HSDL2: variants seen among roughly 807,000 people sequenced by gnomAD.
HSDL2 encodes the protein hydroxysteroid dehydrogenase-like protein 2.
A neutral mutation model predicts 46.3 loss-of-function variants in HSDL2; 27 were observed. The ratio of observed to expected loss-of-function variants is 0.58; its 90% CI spans 0.43 to 0.80. The LOEUF is 0.80. Among genes scored for constraint, HSDL2 ranks in the 30% least tolerant of loss-of-function variants. The probability of loss-of-function intolerance (pLI) is 0.00; values close to 1 mark genes in which losing one functional copy is unlikely to be tolerated. For synonymous variants in HSDL2, 153 were observed against 163.6 expected (o/e 0.94, Z 0.50); for missense variants, 451 against 502.7 (o/e 0.90, Z 0.98).
At position 112,405,668 on chromosome 9, in the gene HSDL2, A is replaced by G. The variant is rs1481196500; in HGVS notation, c.226A>G (p.Arg76Gly). 1.9e-6 allele frequency: 3 copies of G among 1,613,688 alleles called. No homozygotes were observed. The highest frequency in any genetic ancestry group is 3.3e-5 in the Admixed American group (2 of 59,970). ...GGCCTTGCCATGTATTGTTGATGTG[A>G]GAGATGAACAGCAGATCAGTGCTGC... The part of the protein sequence containing the change: ...GKALPCIVDV[R>G]DEQQISAAVE... The change falls in exon 3 of 11, where the codon AGA (arginine) becomes GGA (glycine). Residue 76 changes from arginine to glycine, a missense_variant. Coordinates refer to ENST00000398805, the MANE Select transcript of HSDL2 (RefSeq NM_032303.5).
chr9:112,442,585 T>C (rs1832665711), intron 8 of HSDL2, among the ~76,000 whole-genome samples: 1 of 152,192 alleles, frequency 6.6e-6, no homozygotes, highest in Non-Finnish European at 1.5e-5. Context: ...GTTTACATTT[T>C]AGACTTTGTG....
rs1831795031 is a variant in HSDL2, at chr9:112,408,903, A to C, written c.281-4A>C. On this transcript the variant is annotated splice_region_variant and splice_polypyrimidine_tract_variant and intron_variant, in intron 3 of 10. Transcript: ENST00000398805. ...TAAAATGAAATTGATTATTTTGAAA[A>C]CAGGAATTGATATTCTGGTAAATAA... 16 of 1,423,844 alleles carry C rather than the reference A, an allele frequency of 1.1e-5. No individual in the cohort carries two copies. Among genetic ancestry groups the C allele is most frequent in the Non-Finnish European group, 1.6e-5 (16 of 1,023,784 alleles). 88.2% of individuals were successfully genotyped at this position (1,423,844 alleles called of 1,614,324 possible). A position where few individuals can be genotyped will look rare whatever the true frequency, so the allele number is the denominator to read the frequency against.
chr9:112,447,760 T>C (rs1041658868), intron 8 of HSDL2, among the ~76,000 whole-genome samples: 2 of 152,230 alleles, frequency 1.3e-5, no homozygotes, highest in South Asian at 2.1e-4. Flanking sequence ...GTGGATAAAA[T>C]TGCAGGCTCT....
chr9:112,393,040 C>T (rs1440019813), intron 1 of HSDL2, among the ~76,000 whole-genome samples: 4 of 152,118 alleles, frequency 2.6e-5, no homozygotes, highest in South Asian at 2.1e-4. Context: ...AAGGCTTGTT[C>T]GTTCTCTTGG....
rs545420495 is a variant in HSDL2, at chr9:112,394,143, A to G, written c.18-9852A>G. Among the ~76,000 whole-genome samples, 19 of 152,308 alleles carry G rather than the reference A, an allele frequency of 1.2e-4. No homozygotes were observed. In the East Asian group the frequency reaches 3.7e-3, roughly 29 times the overall value. On this transcript the variant is annotated intron_variant, in intron 1 of 10. Coordinates refer to ENST00000398805, the MANE Select transcript of HSDL2 (RefSeq NM_032303.5). The stretch of plus-strand genomic sequence containing the variant: ...GAGGAAGAGGGTTCAAAGGGGATTT[A>G]TCATGGGGTTCAGAATCACAGATGT...
chr9:112,452,231 T>C (rs910703344), intron 8 of HSDL2, among the ~76,000 whole-genome samples: 2 of 152,252 alleles, frequency 1.3e-5, no homozygotes, highest in African/African-American at 4.8e-5. Context: ...TAGCTTACTT[T>C]GTACTATGGA....
intron 4 of HSDL2, among the ~76,000 whole-genome samples, chr9:112,410,419 C>A (rs1483035463): frequency 6.6e-6 from 1 of 152,178 alleles, no homozygotes; most frequent in Admixed American, 6.5e-5. Context: ...TGACCTTGGA[C>A]AAGTAACTTA....
intron 8 of HSDL2, among the ~76,000 whole-genome samples, chr9:112,443,161 G>T (rs1051667293): frequency 6.6e-6 from 1 of 152,092 alleles, no homozygotes; most frequent in Admixed American, 6.5e-5. Context: ...TTTGCCCAAC[G>T]CCCTAAGGTT....
chr9:112,417,445 C>T lies in HSDL2; in HGVS notation c.499+501C>T, dbSNP rs185762993. ...TGAGCTAGGATCATGGCACTGCACT[C>T]CTGCCTGGGTGACAGAGCGAGACCC... On this transcript the variant is annotated intron_variant, in intron 5 of 10. Coordinates refer to ENST00000398805, the MANE Select transcript of HSDL2 (RefSeq NM_032303.5). 9.1e-4 allele frequency among the ~76,000 whole-genome samples: 136 copies of T among 149,436 alleles called. No individual in the cohort carries two copies. The East Asian group carries it at 0.01, about 11-fold the overall frequency.
intron 9 of HSDL2, among the ~76,000 whole-genome samples, chr9:112,457,214 C>T (rs1191614804): frequency 1.3e-5 from 2 of 152,018 alleles, no homozygotes; most frequent in Admixed American, 1.3e-4. Flanking sequence ...CAAGTGGATG[C>T]CGTATCTGTC....
At chr9:112,463,047 C>T (rs1316551166) in intron 10 of HSDL2, among the ~76,000 whole-genome samples, 1 of 152,112 alleles carries the variant, frequency 6.6e-6, no homozygotes, top group Non-Finnish European at 1.5e-5. Context: ...CTTTTTATTG[C>T]TGAATAGTAT....
intron 6 of HSDL2, among the ~76,000 whole-genome samples, chr9:112,427,243 G>C (rs1832271892): frequency 6.6e-6 from 1 of 151,934 alleles, no homozygotes; most frequent in Admixed American, 6.6e-5. Context: ...TTAGTAGAGA[G>C]GGTGTTTTGC....
At chr9:112,446,147 G>A (rs1401362383) in intron 8 of HSDL2, among the ~76,000 whole-genome samples, 1 of 151,394 alleles carries the variant, frequency 6.6e-6, no homozygotes, top group Non-Finnish European at 1.5e-5. Context: ...CATATTAGGA[G>A]ATATCTCTAG....
In HSDL2 at chr9:112,418,962, T is replaced by C. The variant is rs1474471909; in HGVS notation, c.598+4T>C. ...AATGCATTATGGCCTAAAACAGGTA[T>C]GTATTTTTAAAAACTTCATTTGTTA... On this transcript the variant is annotated splice_donor_region_variant and intron_variant, in intron 6 of 10. Transcript: ENST00000398805. 2 of 1,517,618 alleles carry C rather than the reference T, an allele frequency of 1.3e-6. No homozygotes were observed. Among genetic ancestry groups the C allele is most frequent in the Admixed American group, 3.4e-5 (2 of 58,620 alleles). The allele number at this position is 1,517,618 out of a possible 1,614,324, so 94.0% of individuals were successfully genotyped here. A position where few individuals can be genotyped will look rare whatever the true frequency, so the allele number is the denominator to read the frequency against.
rs185329998 is a variant in HSDL2, at chr9:112,413,269, G to T, written c.396-3572G>T. ...CAAGGCGGGCAGATTACATGAGGTC[G>T]GAAGTTTGAGACCAGCCCGACGAAC... On this transcript the variant is annotated intron_variant, in intron 4 of 10. Coordinates refer to ENST00000398805, the MANE Select transcript of HSDL2 (RefSeq NM_032303.5). 6.4e-3 allele frequency among the ~76,000 whole-genome samples: 977 copies of T among 151,840 alleles called. 15 individuals carry two copies. The highest frequency in any genetic ancestry group is 0.022 in the African/African-American group (920 of 41,424).
chr9:112,452,603 C>T (rs1424160515), intron 8 of HSDL2, among the ~76,000 whole-genome samples: 3 of 151,936 alleles, frequency 2.0e-5, no homozygotes, highest in African/African-American at 7.3e-5. Flanking sequence ...AAAAATTAGC[C>T]GGGCACGGTG....
intron 6 of HSDL2, among the ~76,000 whole-genome samples, chr9:112,420,806 A>ATGT (rs1294133816): frequency 1.3e-5 from 2 of 152,214 alleles, no homozygotes; most frequent in East Asian, 3.8e-4. Flanking sequence ...GTAACATCAT[A>ATGT]TACATTTCTG....
intron 1 of HSDL2, among the ~76,000 whole-genome samples, chr9:112,381,229 G>A (rs551493420): frequency 6.6e-6 from 1 of 152,080 alleles, no homozygotes; most frequent in Admixed American, 6.5e-5. Flanking sequence ...CTCCCATGTT[G>A]CCCAGACTGG....
intron 6 of HSDL2, among the ~76,000 whole-genome samples, chr9:112,426,442 G>T (rs189480626): frequency 2.1e-3 from 313 of 152,096 alleles, no homozygotes; most frequent in Non-Finnish European, 3.3e-3. Context: ...CGCCATTTTG[G>T]CCAGGCTAGT....
Sources: allele counts gnomAD v4.1 joint callset (sites outside exome capture counted in the v4.1 genomes callset), GRCh38; gene constraint gnomAD v4.1.1; transcripts MANE v1.5; gene names NCBI Gene and HGNC (gene_info 2026-07-23, HGNC 2026-07-21).